CSNK1G3: variants seen among roughly 807,000 people sequenced by gnomAD.
The protein encoded by CSNK1G3 is casein kinase I isoform gamma-3.
In CSNK1G3, 23 loss-of-function variants were observed where a neutral mutation model predicts 64.3. The observed-to-expected ratio is 0.36, with a 90% CI of 0.26 to 0.51. The LOEUF (loss-of-function observed/expected upper bound fraction) is 0.51, where lower values mean the gene tolerates loss of function less well. CSNK1G3 is among the 20% of genes least tolerant of loss of function. The probability of loss-of-function intolerance (pLI) is 0.96; values close to 1 mark genes in which losing one functional copy is unlikely to be tolerated. For missense variants in CSNK1G3, 357 were observed against 510.5 expected, an observed-to-expected ratio of 0.70 and a Z score of 2.90; for synonymous variants, 158 against 162.2, an observed-to-expected ratio of 0.97 and a Z score of 0.20.
chr5:123,547,344 C>T (rs1782715945), intron 2 of CSNK1G3, among the ~76,000 whole-genome samples: 1 of 152,004 alleles, frequency 6.6e-6, no homozygotes, highest in Admixed American at 6.6e-5. Context: ...GAATCTGATT[C>T]ATATAATTTA....
intron 1 of CSNK1G3, among the ~76,000 whole-genome samples, chr5:123,530,824 A>G (rs763221333): frequency 6.6e-6 from 1 of 152,186 alleles, no homozygotes; most frequent in Non-Finnish European, 1.5e-5. Flanking sequence ...TTAGAAATTG[A>G]TATCCATTTT....
intron 4 of CSNK1G3, among the ~76,000 whole-genome samples, chr5:123,567,823 C>A (rs747873568): frequency 3.3e-5 from 5 of 152,128 alleles, no homozygotes; most frequent in Non-Finnish European, 5.9e-5. Flanking sequence ...TGACTGGTCT[C>A]AAGCACATCT....
At chr5:123,614,474 AC>A in exon 13 of CSNK1G3, 1 of 1,244,106 alleles carries the variant, frequency 8.0e-7, no homozygotes, top group Non-Finnish European at 1.1e-6. Context: ...CTCTGTAGTG[AC>A]CACGTATATT....
intron 2 of CSNK1G3, among the ~76,000 whole-genome samples, chr5:123,547,367 T>TAC (rs919774976): frequency 5.3e-5 from 8 of 151,956 alleles, no homozygotes; most frequent in South Asian, 2.1e-4. Flanking sequence ...TCAAAATAAC[T>TAC]ACACACACAC....
At chr5:123,554,213 A>C (rs561067337) in intron 3 of CSNK1G3, among the ~76,000 whole-genome samples, 1 of 152,240 alleles carries the variant, frequency 6.6e-6, no homozygotes, top group East Asian at 1.9e-4. Flanking sequence ...ATGAAGAGAG[A>C]TTGGTTGGCT....
At chr5:123,545,880 T>G in intron 2 of CSNK1G3, 39 bp downstream of exon 2, 1 of 1,486,248 alleles carries the variant, frequency 6.7e-7, no homozygotes. Context: ...TTAGAAACAT[T>G]TTAAAAATTG....
chr5:123,542,215 CT>C (rs893833323), intron 1 of CSNK1G3, among the ~76,000 whole-genome samples: 4 of 152,024 alleles, frequency 2.6e-5, no homozygotes, highest in Admixed American at 1.3e-4. Context: ...CATTACCTTA[CT>C]TTTTTTGTAT....
intron 12 of CSNK1G3, among the ~76,000 whole-genome samples, chr5:123,613,043 A>G (rs1432879404): frequency 1.3e-5 from 2 of 152,212 alleles, no homozygotes; most frequent in Admixed American, 1.3e-4. Context: ...AGGTTAAAAG[A>G]AAAGGTGCCT....
chr5:123,596,401 A>G (rs977154994), intron 10 of CSNK1G3, among the ~76,000 whole-genome samples: 2 of 152,072 alleles, frequency 1.3e-5, no homozygotes, highest in Non-Finnish European at 2.9e-5. Flanking sequence ...ATGTATCTGT[A>G]TATGTTTACA....
At chr5:123,616,906 T>G (rs990710363) in exon 13 of CSNK1G3, 6 of 152,154 alleles carry the variant, frequency 3.9e-5, no homozygotes, top group African/African-American at 1.4e-4. Flanking sequence ...CTTTTGTTAT[T>G]TTATGTTTTG....
intron 10 of CSNK1G3, among the ~76,000 whole-genome samples, chr5:123,598,889 G>A (rs1793930849): frequency 6.6e-6 from 1 of 152,072 alleles, no homozygotes; most frequent in Non-Finnish European, 1.5e-5. Flanking sequence ...GAAAAATGTT[G>A]GGTAGTGGGG....
At chr5:123,538,299 T>G (rs759048644) in intron 1 of CSNK1G3, among the ~76,000 whole-genome samples, 9 of 152,182 alleles carry the variant, frequency 5.9e-5, no homozygotes, top group Non-Finnish European at 1.2e-4. Flanking sequence ...ACCAGCACTT[T>G]TTTGAGAGTT....
chr5:123,519,284 C>T (rs868741908), intron 1 of CSNK1G3, among the ~76,000 whole-genome samples: 1 of 152,158 alleles, frequency 6.6e-6, no homozygotes. Flanking sequence ...GAACTCCTGA[C>T]CTCAGGTGAT....
At chr5:123,514,962 G>A (rs575071403) in intron 1 of CSNK1G3, among the ~76,000 whole-genome samples, 1 of 152,124 alleles carries the variant, frequency 6.6e-6, no homozygotes, top group Non-Finnish European at 1.5e-5. Flanking sequence ...ACGATAGTAA[G>A]TTTAAGGAAA....
At chr5:123,585,799 A>G (rs1309967009) in intron 6 of CSNK1G3, among the ~76,000 whole-genome samples, 1 of 152,256 alleles carries the variant, frequency 6.6e-6, no homozygotes, top group East Asian at 1.9e-4. Flanking sequence ...AAGACCATAC[A>G]GAGGTTGGAC....
At chr5:123,574,133 G>A (rs1020396259) in intron 5 of CSNK1G3, among the ~76,000 whole-genome samples, 3 of 152,174 alleles carry the variant, frequency 2.0e-5, no homozygotes, top group Admixed American at 2.0e-4. Flanking sequence ...ACAGGCGTGA[G>A]CCACCGTGCC....
At chr5:123,600,405 A>C (rs1249493813) in intron 10 of CSNK1G3, among the ~76,000 whole-genome samples, 4 of 151,990 alleles carry the variant, frequency 2.6e-5, no homozygotes, top group Non-Finnish European at 5.9e-5. Flanking sequence ...GCGGGTGATC[A>C]CTTGAGGTCA....
chr5:123,614,048 G>C (rs1749014243), intron 12 of CSNK1G3, among the ~76,000 whole-genome samples: 1 of 152,044 alleles, frequency 6.6e-6, no homozygotes, highest in Non-Finnish European at 1.5e-5. Context: ...AGGGAGAAAG[G>C]GTGAGAATGC....
intron 1 of CSNK1G3, among the ~76,000 whole-genome samples, chr5:123,537,283 C>CA (rs1026892870): frequency 2.6e-5 from 4 of 152,076 alleles, no homozygotes; most frequent in Non-Finnish European, 5.9e-5. Context: ...ATGTCTTTTG[C>CA]AGCAACATGG....
Sources: allele counts gnomAD v4.1 joint callset (sites outside exome capture counted in the v4.1 genomes callset), GRCh38; gene constraint gnomAD v4.1.1; transcripts MANE v1.5; gene names NCBI Gene and HGNC (gene_info 2026-07-23, HGNC 2026-07-21).